LGSN: variants seen among roughly 807,000 people sequenced by gnomAD.
LGSN encodes the protein lengsin.
Under a neutral mutation model 19.5 loss-of-function variants are expected in LGSN, and 21 were observed. The ratio of observed to expected loss-of-function variants is 1.07; its 90% confidence interval spans 0.76 to 1.55. LGSN has a LOEUF of 1.55. Ranked by LOEUF, LGSN falls within the 40% of genes most tolerant of loss-of-function variation. LGSN has a pLI of 0.00. For missense variants in LGSN, 673 were observed against 608.5 expected, an observed-to-expected ratio of 1.11 and a Z score of -1.12; for synonymous variants, 257 against 215.6, an observed-to-expected ratio of 1.19 and a Z score of -1.68.
the LGSN span, among the ~76,000 whole-genome samples, chr6:63,345,486 T>A: frequency 2.2e-4 from 33 of 152,284 alleles, no homozygotes; most frequent in African/African-American, 7.9e-4. Flanking sequence ...ACACAGTATC[T>A]TCATGATGAG....
intron 1 of LGSN, among the ~76,000 whole-genome samples, chr6:63,307,377 ACACTGT>A (rs1768432522): frequency 1.3e-5 from 2 of 152,214 alleles, no homozygotes; most frequent in Admixed American, 6.5e-5. Context: ...CTCTTAATGA[ACACTGT>A]CACCAGGATA....
chr6:63,505,633 G>GAAAGAAAGAAAGAAAGAAAGAAAT, the LGSN span, among the ~76,000 whole-genome samples: 7 of 97,218 alleles, frequency 7.2e-5, no homozygotes, highest in African/African-American at 2.0e-4. Context: ...AAGAAAGAAA[G>GAAAGAAAGAAAGAAAGAAAGAAAT]AAATTCTGGC....
intron 1 of LGSN, among the ~76,000 whole-genome samples, chr6:63,311,894 C>T (rs1157713463): frequency 6.6e-6 from 1 of 152,074 alleles, no homozygotes; most frequent in Non-Finnish European, 1.5e-5. Flanking sequence ...CTCCCCAATC[C>T]CTTCACCACC....
At chr6:63,287,577 A>G (rs578128575) in intron 2 of LGSN, among the ~76,000 whole-genome samples, 7 of 152,012 alleles carry the variant, frequency 4.6e-5, no homozygotes, top group Admixed American at 6.6e-5. Flanking sequence ...GTGTGGTGTC[A>G]TGCGCCTGTA....
chr6:63,548,024 G>A, the LGSN span, among the ~76,000 whole-genome samples: 1 of 151,988 alleles, frequency 6.6e-6, no homozygotes, highest in Non-Finnish European at 1.5e-5. Context: ...ATTCCCTCTA[G>A]GGATTCCCTG....
chr6:63,426,911 A>C, the LGSN span, among the ~76,000 whole-genome samples: 1 of 152,208 alleles, frequency 6.6e-6, no homozygotes, highest in Non-Finnish European at 1.5e-5. Context: ...CAGCTCATAA[A>C]ATCAATGTGT....
the LGSN span, among the ~76,000 whole-genome samples, chr6:63,364,388 A>C: frequency 1.3e-5 from 2 of 152,234 alleles, no homozygotes; most frequent in Non-Finnish European, 2.9e-5. Context: ...AGAGCTAACT[A>C]TCCTAAATAT....
At chr6:63,541,179 A>G in the LGSN span, among the ~76,000 whole-genome samples, 1 of 152,200 alleles carries the variant, frequency 6.6e-6, no homozygotes, top group South Asian at 2.1e-4. Context: ...GAAGAGAGAA[A>G]ACAATCAAAG....
chr6:63,475,460 G>T, the LGSN span, among the ~76,000 whole-genome samples: 1 of 152,130 alleles, frequency 6.6e-6, no homozygotes, highest in Admixed American at 6.5e-5. Context: ...GAAGTGATAT[G>T]TGTGTACTTT....
At chr6:63,411,261 C>T in the LGSN span, among the ~76,000 whole-genome samples, 153 of 152,276 alleles carry the variant, frequency 1.0e-3, 2 homozygotes, top group Middle Eastern at 0.01. Flanking sequence ...CTAACATTTA[C>T]GCAGACATTC....
the LGSN span, among the ~76,000 whole-genome samples, chr6:63,401,144 T>A: frequency 5.3e-5 from 8 of 152,062 alleles, no homozygotes; most frequent in Non-Finnish European, 7.4e-5. Context: ...CTCAGAGTTC[T>A]CCAATTATTA....
the LGSN span, among the ~76,000 whole-genome samples, chr6:63,435,445 A>C: frequency 1.3e-5 from 2 of 152,200 alleles, no homozygotes; most frequent in Non-Finnish European, 2.9e-5. Context: ...TGTTTGATGA[A>C]TACTAATGGT....
At chr6:63,289,862 T>C (rs1046661180) in intron 2 of LGSN, among the ~76,000 whole-genome samples, 11 of 152,188 alleles carry the variant, frequency 7.2e-5, no homozygotes, top group African/African-American at 2.7e-4. Context: ...CCTAGCATAA[T>C]GTACCATGCT....
At chr6:63,359,324 G>C in the LGSN span, among the ~76,000 whole-genome samples, 1 of 152,120 alleles carries the variant, frequency 6.6e-6, no homozygotes, top group Non-Finnish European at 1.5e-5. Flanking sequence ...CCCAGCTTTG[G>C]TATCAGGAAG....
chr6:63,297,354 CA>C (rs75453519), intron 1 of LGSN, among the ~76,000 whole-genome samples: 5,295 of 73,962 alleles, frequency 0.072, 165 homozygotes, highest in African/African-American at 0.2. Context: ...GCCTCGGTAT[CA>C]AAAAAAAAAA....
At chr6:63,545,647 T>C in the LGSN span, among the ~76,000 whole-genome samples, 1 of 152,006 alleles carries the variant, frequency 6.6e-6, no homozygotes, top group Non-Finnish European at 1.5e-5. Context: ...ATTTCCAATC[T>C]TACCTTGTAC....
the LGSN span, among the ~76,000 whole-genome samples, chr6:63,454,902 C>T: frequency 4.5e-5 from 6 of 134,540 alleles, no homozygotes; most frequent in Non-Finnish European, 9.2e-5. Context: ...AAGTGTTTCT[C>T]CTGCCTCAGC....
chr6:63,509,458 C>T, the LGSN span, among the ~76,000 whole-genome samples: 73 of 152,082 alleles, frequency 4.8e-4, no homozygotes, highest in African/African-American at 1.6e-3. Flanking sequence ...GCTCTCTATG[C>T]AGTATAATCT....
chr6:63,293,167 T>G (rs931858343), intron 2 of LGSN, among the ~76,000 whole-genome samples: 1 of 152,102 alleles, frequency 6.6e-6, no homozygotes, highest in Non-Finnish European at 1.5e-5. Flanking sequence ...ACCAGCTAAT[T>G]TTTTTATTGT....
Sources: allele counts gnomAD v4.1 joint callset (sites outside exome capture counted in the v4.1 genomes callset), GRCh38; gene constraint gnomAD v4.1.1; transcripts MANE v1.5; gene names NCBI Gene and HGNC (gene_info 2026-07-23, HGNC 2026-07-21).